KLF12: variants seen among roughly 807,000 people sequenced by gnomAD.
KLF12 encodes Krueppel-like factor 12.
In KLF12, 9 loss-of-function variants were observed where a neutral mutation model predicts 37.8. The ratio of observed to expected loss-of-function variants is 0.24; its 90% CI spans 0.14 to 0.42. The LOEUF is 0.42. KLF12 is among the 10% of genes least tolerant of loss of function. The pLI, the probability that KLF12 is intolerant of heterozygous loss-of-function variation, is 1.00. For synonymous variants in KLF12, 208 were observed against 202.1 expected (o/e 1.03, Z -0.25); for missense variants, 411 against 516.0 (o/e 0.80, Z 1.97).
chr13:74,014,571 T>C (rs2138385005), intron 1 of KLF12, among the ~76,000 whole-genome samples: 1 of 152,338 alleles, frequency 6.6e-6, no homozygotes, highest in Non-Finnish European at 1.5e-5. Flanking sequence ...GGAATGCATA[T>C]TAAAATTTAT....
At chr13:73,723,025 C>A (rs966564361) in intron 6 of KLF12, among the ~76,000 whole-genome samples, 1 of 152,104 alleles carries the variant, frequency 6.6e-6, no homozygotes, top group Non-Finnish European at 1.5e-5. Context: ...GTATGACAAG[C>A]TTTCTGTTCT....
chr13:73,878,937 A>C (rs533864184), intron 3 of KLF12, among the ~76,000 whole-genome samples: 3 of 152,266 alleles, frequency 2.0e-5, no homozygotes, highest in South Asian at 4.1e-4. Context: ...CCCTGTGAGG[A>C]GATGACAGGA....
At chr13:74,056,509 G>A (rs372206339) in intron 1 of KLF12, among the ~76,000 whole-genome samples, 48 of 152,238 alleles carry the variant, frequency 3.2e-4, no homozygotes, top group African/African-American at 1.1e-3. Context: ...TACATCCATC[G>A]CTTTGAGTGC....
At chr13:73,697,960 C>A (rs1438778368) in intron 7 of KLF12, among the ~76,000 whole-genome samples, 1 of 152,038 alleles carries the variant, frequency 6.6e-6, no homozygotes, top group Non-Finnish European at 1.5e-5. Context: ...CAAGATCAGC[C>A]TGGGCAACAA....
the KLF12 span, among the ~76,000 whole-genome samples, chr13:74,252,970 G>A: frequency 6.8e-6 from 1 of 147,168 alleles, no homozygotes; most frequent in African/African-American, 2.5e-5. Context: ...TTATCTATCT[G>A]TCATCTGTCT....
intron 4 of KLF12, among the ~76,000 whole-genome samples, chr13:73,828,327 A>C (rs1883959668): frequency 6.6e-6 from 1 of 152,124 alleles, no homozygotes; most frequent in African/African-American, 2.4e-5. Flanking sequence ...AAGATTCATA[A>C]TCTCCCTTAA....
At chr13:73,700,584 A>T (rs886813896) in intron 7 of KLF12, among the ~76,000 whole-genome samples, 1 of 151,324 alleles carries the variant, frequency 6.6e-6, no homozygotes, top group East Asian at 1.9e-4. Flanking sequence ...ACCATGCTTA[A>T]AAAAAAAAGA....
At chr13:73,867,198 A>G (rs940651802) in intron 3 of KLF12, among the ~76,000 whole-genome samples, 15 of 152,114 alleles carry the variant, frequency 9.9e-5, no homozygotes, top group African/African-American at 3.4e-4. Flanking sequence ...AAATGTAGTA[A>G]CTCTTAAATA....
At chr13:74,273,425 C>G in the KLF12 span, among the ~76,000 whole-genome samples, 1 of 150,704 alleles carries the variant, frequency 6.6e-6, no homozygotes, top group Non-Finnish European at 1.5e-5. Flanking sequence ...TTAATCTATT[C>G]CTGTAATAGT....
intron 3 of KLF12, among the ~76,000 whole-genome samples, chr13:73,848,560 A>T (rs1396784354): frequency 6.7e-6 from 1 of 148,210 alleles, no homozygotes; most frequent in Admixed American, 6.8e-5. Context: ...TATTATATAT[A>T]ATATATATAA....
chr13:73,888,339 A>G (rs1887336316), intron 3 of KLF12, among the ~76,000 whole-genome samples: 1 of 152,168 alleles, frequency 6.6e-6, no homozygotes, highest in African/African-American at 2.4e-5. Flanking sequence ...AAAATACTTC[A>G]GACTGAAATA....
chr13:73,745,833 G>C lies in KLF12; in HGVS notation c.869+19105C>G, dbSNP rs377413133. ...CCAGTTTGAAAGCATGCAAGTCAAG[G>C]GTATACCACTAAATAACTGAATCAG... On this transcript the variant is annotated intron_variant, in intron 6 of 7. Coordinates refer to ENST00000377669, the MANE Select transcript of KLF12 (RefSeq NM_007249.5). 5.9e-5 allele frequency among the ~76,000 whole-genome samples: 9 copies of C among 152,048 alleles called. No individual in the cohort carries two copies. In the East Asian group the frequency reaches 1.2e-3, roughly 20 times the overall value.
At chr13:74,232,711 T>C in the KLF12 span, among the ~76,000 whole-genome samples, 2 of 152,164 alleles carry the variant, frequency 1.3e-5, no homozygotes, top group African/African-American at 2.4e-5. Context: ...GTATATGACA[T>C]TGAAGTACAT....
In KLF12 at chr13:73,880,707, G is replaced by A. The variant is rs116922385; in HGVS notation, c.124-34334C>T. The stretch of plus-strand genomic sequence containing the variant: ...GACCTATGGGATTTTTCTTTCACAG[G>A]TGCATGAACAGGGCTGGTCTCCCAA... On this transcript the variant is annotated intron_variant, in intron 3 of 7. Coordinates refer to ENST00000377669, the MANE Select transcript of KLF12 (RefSeq NM_007249.5). Among the ~76,000 whole-genome samples, 644 of 152,284 alleles carry A rather than the reference G, an allele frequency of 4.2e-3. 2 individuals are homozygous for A. The highest frequency in any genetic ancestry group is 6.5e-3 in the Non-Finnish European group (442 of 68,018).
At chr13:73,782,886 A>G (rs979062593) in intron 5 of KLF12, among the ~76,000 whole-genome samples, 2 of 152,210 alleles carry the variant, frequency 1.3e-5, no homozygotes, top group African/African-American at 4.8e-5. Flanking sequence ...TTGTGTTTAC[A>G]AAGTGTCATC....
At chr13:73,876,159 A>G (rs889955504) in intron 3 of KLF12, among the ~76,000 whole-genome samples, 1 of 152,218 alleles carries the variant, frequency 6.6e-6, no homozygotes, top group African/African-American at 2.4e-5. Flanking sequence ...AAATAAAAAA[A>G]AAAAAAAAAG....
At chr13:73,900,599 G>C (rs559743146) in intron 3 of KLF12, among the ~76,000 whole-genome samples, 1 of 151,188 alleles carries the variant, frequency 6.6e-6, no homozygotes, top group East Asian at 1.9e-4. Context: ...TAAGTACATA[G>C]AATAACTGTG....
chr13:74,175,960 C>A, the KLF12 span, among the ~76,000 whole-genome samples: 1 of 152,102 alleles, frequency 6.6e-6, no homozygotes, highest in Non-Finnish European at 1.5e-5. Flanking sequence ...GTTTCCTCTC[C>A]CCTGGGCAGC....
intron 3 of KLF12, among the ~76,000 whole-genome samples, chr13:73,940,817 C>G (rs1374791603): frequency 6.6e-6 from 1 of 152,184 alleles, no homozygotes; most frequent in African/African-American, 2.4e-5. Context: ...GCAGCCAGAA[C>G]TTTTCACAGA....
Sources: gnomAD v4.1 joint callset for allele counts (sites outside exome capture counted in the v4.1 genomes callset) on GRCh38, gnomAD v4.1.1 for gene constraint, MANE v1.5 for transcripts, NCBI Gene and HGNC (gene_info 2026-07-23, HGNC 2026-07-21) for gene names.